PTPRQ: variants seen among roughly 807,000 people sequenced by gnomAD.
PTPRQ encodes protein tyrosine phosphatase receptor type Q, also known as phosphatidylinositol phosphatase PTPRQ.
In PTPRQ, 199 loss-of-function variants were observed where a neutral mutation model predicts 246.0. That is an observed-to-expected ratio of 0.81 (90% confidence interval 0.72 to 0.91). PTPRQ has a LOEUF of 0.91. Ranked by LOEUF, PTPRQ falls within the 40% of genes least tolerant of loss-of-function variation. The probability of loss-of-function intolerance (pLI) is 0.00; values close to 1 mark genes in which losing one functional copy is unlikely to be tolerated. For synonymous variants in PTPRQ, 869 were observed against 853.2 expected, an observed-to-expected ratio of 1.02 and a Z score of -0.32; for missense variants, 2,624 against 2,528.4, an observed-to-expected ratio of 1.04 and a Z score of -0.81.
intron 39 of PTPRQ, among the ~76,000 whole-genome samples, chr12:80,667,017 C>T (rs1250664826): frequency 1.3e-5 from 2 of 151,958 alleles, no homozygotes; most frequent in Non-Finnish European, 2.9e-5. Flanking sequence ...ATGTTTGAAA[C>T]CTTTCAGTGA....
intron 39 of PTPRQ, among the ~76,000 whole-genome samples, chr12:80,664,657 T>C (rs1157999908): frequency 6.6e-6 from 1 of 152,060 alleles, no homozygotes; most frequent in African/African-American, 2.4e-5. Context: ...CAACACTTAC[T>C]ATCTTCAATT....
chr12:80,504,533 T>A (rs1490206647), intron 14 of PTPRQ, among the ~76,000 whole-genome samples: 1 of 151,862 alleles, frequency 6.6e-6, no homozygotes, highest in Admixed American at 6.6e-5. Context: ...TTTTCTTTGC[T>A]GACTTTCACT....
chr12:80,506,514 A>G, intron 15 of PTPRQ, 55 bp from the exon 16 acceptor site: 1 of 1,344,716 alleles, frequency 7.4e-7, no homozygotes, highest in Non-Finnish European at 1.0e-6. Context: ...TGCCTCTTGC[A>G]TATTATTAAA....
At chr12:80,499,776 G>T (rs2400721) in intron 14 of PTPRQ, among the ~76,000 whole-genome samples, 1 of 151,654 alleles carries the variant, frequency 6.6e-6, no homozygotes, top group Non-Finnish European at 1.5e-5. Flanking sequence ...CTGTGTGTGT[G>T]TGTGTGTATC....
At chr12:80,649,454 T>C in intron 36 of PTPRQ, 134 bp from the exon 37 acceptor site, 1 of 1,231,314 alleles carries the variant, frequency 8.1e-7, no homozygotes, top group Non-Finnish European at 1.1e-6. Flanking sequence ...AGAGTGACTT[T>C]AAAAAGCTGT....
intron 25 of PTPRQ, among the ~76,000 whole-genome samples, chr12:80,567,076 A>G (rs1897001573): frequency 6.6e-6 from 1 of 152,206 alleles, no homozygotes; most frequent in African/African-American, 2.4e-5. Context: ...ACTATTAGGA[A>G]CTTTGACTGC....
At position 80,549,595 on chromosome 12, in the gene PTPRQ, A is replaced by G. The variant is rs1443509776; in HGVS notation, c.4146A>G (p.Thr1382=). Residue 1382 remains threonine, a synonymous_variant, in exon 25 of 45, where the codon ACA becomes ACG. Transcript: ENST00000644991. The part of the protein sequence containing the change: ...QYMVTVERNS[T]KVSPQDHMYT... ...TGGTAACAGTTGAAAGGAATTCTAC[A>G]AAAGTTTCTCCCCAAGATCACATGT... 2 of 1,551,144 alleles carry G rather than the reference A, an allele frequency of 1.3e-6. No individual in the cohort carries two copies. Among genetic ancestry groups the G allele is most frequent in the Admixed American group, 3.9e-5 (2 of 50,948 alleles).
intron 14 of PTPRQ, among the ~76,000 whole-genome samples, chr12:80,505,273 CT>C (rs1051553765): frequency 6.6e-6 from 1 of 151,792 alleles, no homozygotes; most frequent in African/African-American, 2.4e-5. Context: ...TTTTCTGTGA[CT>C]TTTTTTGGCC....
chr12:80,476,511 T>C (rs1448936990), intron 8 of PTPRQ, among the ~76,000 whole-genome samples: 1 of 152,190 alleles, frequency 6.6e-6, no homozygotes, highest in Non-Finnish European at 1.5e-5. Flanking sequence ...TACCGGTTAC[T>C]TCATGAAGAC....
In PTPRQ at chr12:80,490,479, C is replaced by T. The variant is rs561409322; in HGVS notation, c.1360-2796C>T. Among the ~76,000 whole-genome samples the T allele has an allele frequency of 3.3e-5, 5 of 152,016 alleles. No homozygotes were observed. In the East Asian group the frequency reaches 9.7e-4, roughly 29 times the overall value. On this transcript the variant is annotated intron_variant, in intron 9 of 44. Coordinates refer to ENST00000644991, the MANE Select transcript of PTPRQ (RefSeq NM_001145026.2). ...TCTTTCACATAAATTCCAAGAATTC[C>T]TGGGCAGCATAGGCAAGGCCTTTCA...
At chr12:80,523,653 G>A (rs1382893082) in intron 17 of PTPRQ, among the ~76,000 whole-genome samples, 1 of 152,176 alleles carries the variant, frequency 6.6e-6, no homozygotes, top group African/African-American at 2.4e-5. Context: ...AGGGTGTTCA[G>A]TTTCCACGTA....
At chr12:80,610,005 C>T (rs1483106806) in intron 27 of PTPRQ, among the ~76,000 whole-genome samples, 1 of 150,180 alleles carries the variant, frequency 6.7e-6, no homozygotes, top group Admixed American at 6.7e-5. Context: ...TGTTATTAGC[C>T]CAATTTTACA....
intron 22 of PTPRQ, 112 bp downstream of exon 22, chr12:80,542,476 G>T (rs767222831): frequency 2.1e-6 from 3 of 1,396,164 alleles, no homozygotes; most frequent in Non-Finnish European, 2.8e-6. Flanking sequence ...ATTTGTAACA[G>T]CCTTACCATT....
At chr12:80,567,637 C>A (rs1897018631) in intron 25 of PTPRQ, among the ~76,000 whole-genome samples, 1 of 151,974 alleles carries the variant, frequency 6.6e-6, no homozygotes, top group South Asian at 2.1e-4. Flanking sequence ...TTAATTTGTT[C>A]TGTTAGTGTT....
intron 10 of PTPRQ, 108 bp downstream of exon 10, chr12:80,493,563 G>A: frequency 5.8e-6 from 8 of 1,371,238 alleles, no homozygotes; most frequent in Non-Finnish European, 5.7e-6. Flanking sequence ...TGGTCTTTGG[G>A]CTGGAGTCGG....
At chr12:80,619,304 T>G in intron 30 of PTPRQ, 80 bp from the exon 31 acceptor site, 1 of 1,445,600 alleles carries the variant, frequency 6.9e-7, no homozygotes, top group Non-Finnish European at 9.3e-7. Context: ...GTAAATTAAC[T>G]GCATGAAAGG....
chr12:80,499,560 TA>T (rs1442390054), intron 14 of PTPRQ, among the ~76,000 whole-genome samples: 2 of 151,898 alleles, frequency 1.3e-5, no homozygotes, highest in African/African-American at 2.4e-5. Context: ...TCTATTCATG[TA>T]AAAAAATATG....
At chr12:80,525,259 T>C (rs1895646434) in intron 17 of PTPRQ, among the ~76,000 whole-genome samples, 1 of 152,168 alleles carries the variant, frequency 6.6e-6, no homozygotes, top group Non-Finnish European at 1.5e-5. Context: ...TCAAGATTAC[T>C]AATAGTCAAG....
chr12:80,637,923 A>C (rs1411229058), intron 35 of PTPRQ, among the ~76,000 whole-genome samples: 1 of 152,130 alleles, frequency 6.6e-6, no homozygotes. Flanking sequence ...GACTTCCACC[A>C]TATGTCTTTG....
Sources: allele counts gnomAD v4.1 joint callset (sites outside exome capture counted in the v4.1 genomes callset), GRCh38; gene constraint gnomAD v4.1.1; transcripts MANE v1.5; gene names NCBI Gene and HGNC (gene_info 2026-07-23, HGNC 2026-07-21).